Variants in PLAC1 observed in about 807,000 individuals in gnomAD.
PLAC1 encodes placenta associated 1.
For synonymous variants in PLAC1, 68 were observed against 62.1 expected (o/e 1.09, Z -0.44); for missense variants, 136 against 163.2 (o/e 0.83, Z 0.91).
At chrX:134,682,799 G>T (rs1203341897) in intron 2 of PLAC1, among the ~76,000 whole-genome samples, 1 of 110,937 alleles carries the variant, frequency 9.0e-6, no homozygotes, top group Non-Finnish European at 1.9e-5. Flanking sequence ...CAGGTGATCT[G>T]CCCCCCTCGG....
At chrX:134,710,783 G>T (rs1030267549) in intron 2 of PLAC1, among the ~76,000 whole-genome samples, 1 of 110,917 alleles carries the variant, frequency 9.0e-6, no homozygotes, top group Non-Finnish European at 1.9e-5. Context: ...GGAGATAAAG[G>T]GGGCCTCAAC....
intron 1 of PLAC1, among the ~76,000 whole-genome samples, chrX:134,602,403 A>G (rs971640344): frequency 8.9e-6 from 1 of 112,298 alleles, no homozygotes; most frequent in African/African-American, 3.2e-5. Flanking sequence ...ACTGTGACTA[A>G]AGAAATGAAA....
chrX:134,737,162 C>A (rs1313046326), intron 1 of PLAC1, among the ~76,000 whole-genome samples: 1 of 112,617 alleles, frequency 8.9e-6, no homozygotes, highest in Non-Finnish European at 1.9e-5. Flanking sequence ...CATGGAGGCG[C>A]TGCCCCATTC....
intron 2 of PLAC1, among the ~76,000 whole-genome samples, chrX:134,684,530 G>C (rs985187636): frequency 1.8e-5 from 2 of 110,736 alleles, no homozygotes; most frequent in Non-Finnish European, 3.8e-5. Context: ...CGAAAGACAG[G>C]TCATCTGTCC....
chrX:134,717,506 C>T (rs1264378340), intron 2 of PLAC1, among the ~76,000 whole-genome samples: 1 of 111,995 alleles, frequency 8.9e-6, no homozygotes, highest in African/African-American at 3.2e-5. Context: ...AGCGATCCGC[C>T]TGCCTCAGCC....
intron 2 of PLAC1, among the ~76,000 whole-genome samples, chrX:134,678,249 C>A (rs767622642): frequency 8.9e-6 from 1 of 112,021 alleles, no homozygotes; most frequent in African/African-American, 3.2e-5. Context: ...CAACACCCTG[C>A]GTGCTCTGGT....
At chrX:134,607,127 A>G (rs1319776487) in intron 1 of PLAC1, 1 of 120,908 alleles carries the variant, frequency 8.3e-6, no homozygotes, top group Non-Finnish European at 1.8e-5. Flanking sequence ...GGCCAGAACC[A>G]CCATCTTCTA....
At chrX:134,696,193 G>A (rs2078562321) in intron 2 of PLAC1, among the ~76,000 whole-genome samples, 1 of 111,550 alleles carries the variant, frequency 9.0e-6, no homozygotes, top group African/African-American at 3.3e-5. Flanking sequence ...CAAGACTTGG[G>A]CAATAGCAGA....
intron 2 of PLAC1, among the ~76,000 whole-genome samples, chrX:134,726,821 C>CAAAA (rs749819041): frequency 1.8e-3 from 77 of 42,562 alleles, no homozygotes; most frequent in South Asian, 4.6e-3. Flanking sequence ...GACTCTGTCT[C>CAAAA]AAAAAAAAAA....
intron 1 of PLAC1, among the ~76,000 whole-genome samples, chrX:134,746,372 G>GCCT (rs2078729173): frequency 8.9e-6 from 1 of 111,943 alleles, no homozygotes; most frequent in Admixed American, 9.5e-5. Context: ...AGACAGGAAG[G>GCCT]CACCCTTTAC....
chrX:134,720,837 T>C (rs2078655357), intron 2 of PLAC1, among the ~76,000 whole-genome samples: 1 of 112,078 alleles, frequency 8.9e-6, no homozygotes, highest in African/African-American at 3.2e-5. Flanking sequence ...TTTTTATTTT[T>C]TGTAGAGATG....
At chrX:134,739,965 G>A (rs1258511595) in intron 1 of PLAC1, among the ~76,000 whole-genome samples, 2 of 111,692 alleles carry the variant, frequency 1.8e-5, no homozygotes, top group Admixed American at 1.9e-4. Flanking sequence ...CCACATTATC[G>A]TAATGGTAAC....
chrX:134,726,439 G>A (rs930089624), intron 2 of PLAC1, among the ~76,000 whole-genome samples: 1 of 111,607 alleles, frequency 9.0e-6, no homozygotes. Context: ...ATTCATCTCA[G>A]TATTTCTAAT....
At chrX:134,704,516 A>G (rs190095304) in intron 2 of PLAC1, among the ~76,000 whole-genome samples, 2,666 of 105,045 alleles carry the variant, frequency 0.025, 104 homozygotes, top group African/African-American at 0.088. Flanking sequence ...CAAAATAACA[A>G]CAACAAAAAA....
chrX:134,688,057 C>G (rs1454318024), intron 2 of PLAC1, among the ~76,000 whole-genome samples: 1 of 106,542 alleles, frequency 9.4e-6, no homozygotes. Flanking sequence ...AGAGAAACTT[C>G]ACAAGTTTTC....
chrX:134,587,382 C>A (rs886954836), intron 2 of PLAC1, among the ~76,000 whole-genome samples: 184 of 104,465 alleles, frequency 1.8e-3, no homozygotes, highest in Non-Finnish European at 2.6e-3. Flanking sequence ...CAAAATGAGA[C>A]CCCTGTCTTT....
At chrX:134,743,927 C>T (rs774304477) in intron 1 of PLAC1, among the ~76,000 whole-genome samples, 7 of 112,417 alleles carry the variant, frequency 6.2e-5, no homozygotes, top group African/African-American at 2.3e-4. Context: ...GATTGTAAGA[C>T]GTTCTCAGCA....
intron 2 of PLAC1, among the ~76,000 whole-genome samples, chrX:134,599,957 G>A (rs926957033): frequency 9.0e-6 from 1 of 111,050 alleles, no homozygotes; most frequent in African/African-American, 3.3e-5. Context: ...TGGGGATGGA[G>A]AGAAAAGGAT....
intron 1 of PLAC1, among the ~76,000 whole-genome samples, chrX:134,763,867 G>T (rs946236482): frequency 7.5e-5 from 8 of 106,076 alleles, no homozygotes; most frequent in African/African-American, 2.8e-4. Flanking sequence ...AAAGAGAAAA[G>T]AAAAGGGAAA....
Sources: gnomAD v4.1 joint callset for allele counts (sites outside exome capture counted in the v4.1 genomes callset) on GRCh38, gnomAD v4.1.1 for gene constraint, MANE v1.5 for transcripts, NCBI Gene and HGNC (gene_info 2026-07-23, HGNC 2026-07-21) for gene names.